Variants in STK32B observed in about 807,000 individuals in gnomAD.
STK32B encodes the protein serine/threonine-protein kinase 32B.
Under a neutral mutation model 52.6 loss-of-function variants are expected in STK32B, and 43 were observed. The observed-to-expected ratio is 0.82, with a 90% CI of 0.64 to 1.05. STK32B has a LOEUF of 1.05. STK32B is among the 50% of genes least tolerant of loss of function. The probability of loss-of-function intolerance (pLI) is 0.00; values close to 1 mark genes in which losing one functional copy is unlikely to be tolerated. For missense variants in STK32B, 621 were observed against 534.6 expected (o/e 1.16, Z -1.59); for synonymous variants, 238 against 204.3 (o/e 1.17, Z -1.41).
chr4:5,042,826 GC>G, the STK32B span, among the ~76,000 whole-genome samples: 1 of 152,104 alleles, frequency 6.6e-6, no homozygotes. Flanking sequence ...TGCAGCAGGG[GC>G]CGGGCGCGGT....
chr4:5,052,905 T>G (rs939581111), intron 1 of STK32B, among the ~76,000 whole-genome samples: 1 of 152,188 alleles, frequency 6.6e-6, no homozygotes. Flanking sequence ...CACTCCATCC[T>G]TTTCATGCCC....
At chr4:5,193,133 C>T (rs553203572) in intron 3 of STK32B, among the ~76,000 whole-genome samples, 4 of 152,166 alleles carry the variant, frequency 2.6e-5, no homozygotes, top group South Asian at 2.1e-4. Context: ...AGTAGGGTGA[C>T]GAGGTGATAG....
intron 1 of STK32B, among the ~76,000 whole-genome samples, chr4:5,073,329 T>C (rs1173127637): frequency 6.6e-6 from 1 of 152,024 alleles, no homozygotes; most frequent in Non-Finnish European, 1.5e-5. Context: ...GGATTTACAA[T>C]ATACATCTTT....
At chr4:5,297,291 T>G (rs376731571) in intron 3 of STK32B, among the ~76,000 whole-genome samples, 1 of 152,316 alleles carries the variant, frequency 6.6e-6, no homozygotes, top group African/African-American at 2.4e-5. Context: ...CTTAGTGGTG[T>G]TCTCTGTATT....
At chr4:5,416,764 C>G in intron 5 of STK32B, 81 bp from the exon 6 acceptor site, 4 of 1,188,374 alleles carry the variant, frequency 3.4e-6, no homozygotes, top group Non-Finnish European at 4.8e-6. Flanking sequence ...TTCACGGTAT[C>G]TCACCTTGCA....
At chr4:5,152,085 C>T (rs529940721) in intron 2 of STK32B, among the ~76,000 whole-genome samples, 2 of 152,234 alleles carry the variant, frequency 1.3e-5, no homozygotes, top group African/African-American at 4.8e-5. Context: ...GAAAAACTTG[C>T]TCTCAGTTAT....
intron 1 of STK32B, among the ~76,000 whole-genome samples, chr4:5,063,571 G>C (rs560606427): frequency 6.6e-6 from 1 of 152,260 alleles, no homozygotes; most frequent in South Asian, 2.1e-4. Flanking sequence ...TTGAACTCCT[G>C]ACCTCAAGTG....
At chr4:5,236,011 G>A (rs1724608737) in intron 3 of STK32B, among the ~76,000 whole-genome samples, 1 of 152,180 alleles carries the variant, frequency 6.6e-6, no homozygotes, top group African/African-American at 2.4e-5. Flanking sequence ...AACAAGGTCT[G>A]GCACAGCCAG....
intron 11 of STK32B, among the ~76,000 whole-genome samples, chr4:5,481,578 C>G (rs1718715302): frequency 6.6e-6 from 1 of 152,104 alleles, no homozygotes; most frequent in African/African-American, 2.4e-5. Context: ...TGCAGAAGCT[C>G]TTTAGTTTAA....
At chr4:5,101,521 A>G (rs762849571) in intron 1 of STK32B, among the ~76,000 whole-genome samples, 1 of 152,228 alleles carries the variant, frequency 6.6e-6, no homozygotes, top group Non-Finnish European at 1.5e-5. Flanking sequence ...TTCATTGGAA[A>G]TGCTGTTATT....
At chr4:5,275,095 G>A (rs1299070935) in intron 3 of STK32B, among the ~76,000 whole-genome samples, 4 of 152,186 alleles carry the variant, frequency 2.6e-5, no homozygotes, top group African/African-American at 9.7e-5. Context: ...AGAACCCCAG[G>A]TCAGAGAACA....
At chr4:5,447,913 G>A (rs1425589643) in intron 7 of STK32B, among the ~76,000 whole-genome samples, 1 of 152,202 alleles carries the variant, frequency 6.6e-6, no homozygotes, top group Admixed American at 6.5e-5. Context: ...TTCTCCCACA[G>A]GCTACAGTTT....
At chr4:5,079,735 A>C (rs1712295455) in intron 1 of STK32B, among the ~76,000 whole-genome samples, 1 of 152,050 alleles carries the variant, frequency 6.6e-6, no homozygotes, top group Admixed American at 6.5e-5. Context: ...CATGACCCCT[A>C]CTGTTCCCAG....
intron 11 of STK32B, among the ~76,000 whole-genome samples, chr4:5,493,373 G>A (rs1336584778): frequency 2.0e-5 from 3 of 152,166 alleles, no homozygotes; most frequent in Non-Finnish European, 4.4e-5. Flanking sequence ...GCGTAGAGGT[G>A]TTTGTAGTAT....
intron 3 of STK32B, among the ~76,000 whole-genome samples, chr4:5,169,389 C>T (rs958541446): frequency 6.6e-6 from 1 of 152,134 alleles, no homozygotes; most frequent in African/African-American, 2.4e-5. Context: ...TTTCATTCAG[C>T]GGATCAGTTG....
At chr4:5,259,150 T>A (rs1910385) in intron 3 of STK32B, among the ~76,000 whole-genome samples, 9,944 of 152,214 alleles carry the variant, frequency 0.065, 453 homozygotes, top group African/African-American at 0.13. Flanking sequence ...CCTCAAAAAT[T>A]ACCCACACAC....
At chr4:5,245,296 T>C (rs1019648147) in intron 3 of STK32B, among the ~76,000 whole-genome samples, 6 of 152,140 alleles carry the variant, frequency 3.9e-5, no homozygotes, top group Non-Finnish European at 8.8e-5. Context: ...GGATAGTTAG[T>C]TCTTCGTGTT....
chr4:5,027,416 G>A, the STK32B span, among the ~76,000 whole-genome samples: 3 of 152,186 alleles, frequency 2.0e-5, no homozygotes, highest in African/African-American at 7.2e-5. Context: ...ACACAGAAAG[G>A]ACTCAGAGAA....
rs140997007 is a variant in STK32B, at chr4:5,398,996, G to A, written c.472+752G>A. Among the ~76,000 whole-genome samples the A allele has an allele frequency of 1.3e-3, 195 of 152,328 alleles. No homozygotes were observed. Among genetic ancestry groups the A allele is most frequent in the African/African-American group, 4.5e-3 (188 of 41,576 alleles). On this transcript the variant is annotated intron_variant, in intron 5 of 11. Transcript: ENST00000282908. This position sits in a 1 kb window ranked among gnomAD's most constrained non-coding sequence, Gnocchi z 4.9. ...GGCCCGGTCCTGCTTCAGCAAGCCT[G>A]GGCTCCTGTGTTCTGGATCCTGTGT...
Sources: gnomAD v4.1 joint callset for allele counts (sites outside exome capture counted in the v4.1 genomes callset) on GRCh38, gnomAD v4.1.1 for gene constraint, Gnocchi (gnomAD v3.1) non-coding constraint, MANE v1.5 for transcripts, NCBI Gene and HGNC (gene_info 2026-07-23, HGNC 2026-07-21) for gene names.